The following LRBA variants were observed in gnomAD, a reference collection of about 807,000 sequenced individuals.
LRBA encodes the protein LPS responsive beige-like anchor protein.
In LRBA, 176 loss-of-function variants were observed where a neutral mutation model predicts 330.0. The observed-to-expected ratio is 0.53, with a 90% confidence interval of 0.47 to 0.60. LRBA has a LOEUF of 0.60. Among genes scored for constraint, LRBA ranks in the 20% least tolerant of loss-of-function variants. The pLI is 0.00. For missense variants in LRBA, 3,259 were observed against 3,444.8 expected (o/e 0.95, Z 1.35); for synonymous variants, 1,230 against 1,193.0 (o/e 1.03, Z -0.64).
intron 13 of LRBA, among the ~76,000 whole-genome samples, chr4:150,904,126 C>T (rs1731054939): frequency 6.6e-6 from 1 of 152,224 alleles, no homozygotes; most frequent in South Asian, 2.1e-4. Flanking sequence ...CACATCCACA[C>T]ATCCAGACCT....
chr4:150,916,336 A>T, intron 7 of LRBA, 65 bp downstream of exon 7: 1 of 1,523,620 alleles, frequency 6.6e-7, no homozygotes, highest in Non-Finnish European at 8.9e-7. Context: ...AATAACATTA[A>T]AACAAAGCAT....
chr4:150,886,769 T>G (rs2127071645), intron 17 of LRBA, among the ~76,000 whole-genome samples: 1 of 152,246 alleles, frequency 6.6e-6, no homozygotes, highest in Admixed American at 6.5e-5. Context: ...AGAGTTATGC[T>G]CTAATGCATC....
chr4:150,958,074 G>A (rs987173155), intron 2 of LRBA, among the ~76,000 whole-genome samples: 3 of 149,082 alleles, frequency 2.0e-5, no homozygotes, highest in African/African-American at 7.8e-5. Flanking sequence ...TCTTCTCACA[G>A]CTCCACTAGG....
intron 2 of LRBA, among the ~76,000 whole-genome samples, chr4:150,996,347 C>A (rs1742642638): frequency 6.6e-6 from 1 of 152,058 alleles, no homozygotes; most frequent in Admixed American, 6.6e-5. Context: ...TTTTTCTTTT[C>A]TTCCATATTC....
At position 150,852,296 on chromosome 4, in the gene LRBA, T is replaced by G; in HGVS notation, c.3414A>C (p.Ala1138=). ...TGTCCAGTTTTTCACCGGCTTCAGA[T>G]GCAGCTGGAGACAAACTGTTATCTT... ...ELQDNSLSPA[A]SEAGEKLDMF... The change falls in exon 23 of 57, where the codon GCA becomes GCC. Residue 1138 remains alanine (A), a synonymous_variant. Transcript: ENST00000651943. The G allele has an allele frequency of 6.2e-7, 1 of 1,614,128 alleles. No homozygotes were observed. The highest frequency in any genetic ancestry group is 2.2e-5 in the East Asian group (1 of 44,888).
At chr4:150,963,794 G>GC (rs1296061041) in intron 2 of LRBA, among the ~76,000 whole-genome samples, 1 of 146,662 alleles carries the variant, frequency 6.8e-6, no homozygotes, top group Non-Finnish European at 1.5e-5. Context: ...CCTCCGCCCG[G>GC]CCCCCCAGTC....
chr4:150,852,234 C>T lies in LRBA; in HGVS notation c.3476G>A (p.Gly1159Glu). 1 of 1,614,050 alleles carries T rather than the reference C, an allele frequency of 6.2e-7. No individual in the cohort carries two copies. The highest frequency in any genetic ancestry group is 8.5e-7 in the Non-Finnish European group (1 of 1,179,974). The part of the protein sequence containing the change: ...GNDDKLIFQE[G>E]KPVTEKQTDT... Reference sequence around the variant, plus strand: ...AGTTTGCTTTTCAGTAACAGGTTTTCCTTCTTGAAATATTAATTTGTCATC... The same window carrying T: ...AGTTTGCTTTTCAGTAACAGGTTTTTCTTCTTGAAATATTAATTTGTCATC... The change falls in exon 23 of 57, where the codon GGA becomes GAA. Residue 1159 changes from glycine (G) to glutamate (E), a missense_variant. Coordinates refer to ENST00000651943, the MANE Select transcript of LRBA (RefSeq NM_001364905.1).
intron 48 of LRBA, among the ~76,000 whole-genome samples, chr4:150,338,458 A>G (rs1371499621): frequency 6.6e-6 from 1 of 152,196 alleles, no homozygotes; most frequent in African/African-American, 2.4e-5. Flanking sequence ...TATTGTTCAT[A>G]TTAAGGTTGT....
chr4:150,761,880 A>C (rs892904093), intron 34 of LRBA, 33 bp from the exon 35 acceptor site: 1 of 1,114,122 alleles, frequency 9.0e-7, no homozygotes, highest in African/African-American at 1.6e-5. Context: ...AGCTGAAGAA[A>C]TGTCACTCAG....
intron 47 of LRBA, among the ~76,000 whole-genome samples, chr4:150,385,136 AAAAT>A (rs1232263485): frequency 3.9e-5 from 6 of 152,210 alleles, no homozygotes; most frequent in Non-Finnish European, 7.3e-5. Flanking sequence ...TGTATGTAAA[AAAAT>A]AAATAAATAA....
chr4:150,480,049 G>A (rs114581153), intron 42 of LRBA, among the ~76,000 whole-genome samples: 120 of 152,242 alleles, frequency 7.9e-4, no homozygotes, highest in African/African-American at 2.9e-3. Flanking sequence ...TAAACTGTAC[G>A]TTTCCACCAC....
chr4:150,787,018 A>T (rs4696632), intron 34 of LRBA, among the ~76,000 whole-genome samples: 2 of 152,112 alleles, frequency 1.3e-5, no homozygotes, highest in Non-Finnish European at 2.9e-5. Context: ...AATCACCTGA[A>T]GTAGAGAGTT....
chr4:150,280,409 G>C (rs554379941), intron 55 of LRBA, among the ~76,000 whole-genome samples: 1 of 152,310 alleles, frequency 6.6e-6, no homozygotes, highest in East Asian at 1.9e-4. Flanking sequence ...GCCTCAGGAA[G>C]GGAAAACAAA....
intron 34 of LRBA, among the ~76,000 whole-genome samples, chr4:150,788,295 C>G (rs1041570222): frequency 7.4e-6 from 1 of 134,438 alleles, no homozygotes; most frequent in African/African-American, 3.1e-5. Context: ...GATAGGGTTT[C>G]GCCATGTTAG....
At chr4:150,354,893 A>G (rs1737628836) in intron 47 of LRBA, among the ~76,000 whole-genome samples, 1 of 152,032 alleles carries the variant, frequency 6.6e-6, no homozygotes, top group Non-Finnish European at 1.5e-5. Context: ...ATTCATAAAT[A>G]GGAGGTTTGT....
intron 2 of LRBA, among the ~76,000 whole-genome samples, chr4:150,979,653 CTTTG>C (rs1050732862): frequency 7.3e-5 from 11 of 151,320 alleles, no homozygotes; most frequent in South Asian, 6.3e-4. Flanking sequence ...CTTTTTGCTT[CTTTG>C]TTTAAGCAAT....
At chr4:150,412,933 C>T (rs1158776825) in intron 47 of LRBA, among the ~76,000 whole-genome samples, 1 of 151,052 alleles carries the variant, frequency 6.6e-6, no homozygotes, top group Non-Finnish European at 1.5e-5. Context: ...TAAAAAAAGG[C>T]TAGTTAAAAA....
At chr4:150,487,864 C>T in intron 41 of LRBA, 30 bp from the exon 42 acceptor site, 1 of 1,253,650 alleles carries the variant, frequency 8.0e-7, no homozygotes, top group Non-Finnish European at 1.1e-6. Flanking sequence ...AAAATTAGAA[C>T]ACAGTATAAC....
intron 37 of LRBA, among the ~76,000 whole-genome samples, chr4:150,599,709 T>C (rs1041112231): frequency 6.6e-6 from 1 of 152,206 alleles, no homozygotes; most frequent in African/African-American, 2.4e-5. Flanking sequence ...TTACTCTGTT[T>C]AGATGTGCAG....
Sources: allele counts gnomAD v4.1 joint callset (sites outside exome capture counted in the v4.1 genomes callset), GRCh38; gene constraint gnomAD v4.1.1; transcripts MANE v1.5; gene names NCBI Gene and HGNC (gene_info 2026-07-23, HGNC 2026-07-21).